Variants in PIGN observed in about 807,000 individuals in gnomAD.
PIGN encodes the protein GPI ethanolamine phosphate transferase 1.
In PIGN, 117 loss-of-function variants were observed where a neutral mutation model predicts 125.4. The observed-to-expected ratio is 0.93, with a 90% CI of 0.80 to 1.09. The LOEUF (loss-of-function observed/expected upper bound fraction) is 1.09. PIGN is among the 50% of genes least tolerant of loss of function. The probability of loss-of-function intolerance (pLI) is 0.00; values close to 1 mark genes in which losing one functional copy is unlikely to be tolerated. For synonymous variants in PIGN, 392 were observed against 377.8 expected, an observed-to-expected ratio of 1.04 and a Z score of -0.44; for missense variants, 1,075 against 1,094.9, an observed-to-expected ratio of 0.98 and a Z score of 0.26.
At chr18:62,179,580 CA>C (rs892010470) in intron 1 of PIGN, among the ~76,000 whole-genome samples, 5 of 151,968 alleles carry the variant, frequency 3.3e-5, no homozygotes, top group African/African-American at 1.2e-4. Context: ...CCCATCTCTA[CA>C]AAAAATGCAA....
At chr18:62,101,447 C>T (rs1335896749) in intron 21 of PIGN, among the ~76,000 whole-genome samples, 1 of 152,126 alleles carries the variant, frequency 6.6e-6, no homozygotes, top group Non-Finnish European at 1.5e-5. Flanking sequence ...TTCTTGGCTA[C>T]CCTAGAGAGA....
Position 62,088,849 on chromosome 18 carries a change from G to A in PIGN, c.2284-7C>T, listed in dbSNP as rs1391068540. 1 of 1,478,606 alleles carries A rather than the reference G, an allele frequency of 6.8e-7. No individual in the cohort carries two copies. Among genetic ancestry groups the A allele is most frequent in the South Asian group, 1.2e-5 (1 of 81,908 alleles). The allele number at this position is 1,478,606 out of a possible 1,614,324, so 91.6% of individuals were successfully genotyped here. A position where few individuals can be genotyped will look rare whatever the true frequency, so the allele number is the denominator to read the frequency against. On this transcript the variant is annotated splice_polypyrimidine_tract_variant and splice_region_variant and intron_variant, in intron 24 of 30. Coordinates refer to ENST00000640252, the MANE Select transcript of PIGN (RefSeq NM_176787.5). The stretch of plus-strand genomic sequence containing the variant: ...AGAACTGGATACTGGTGAGCTGTGA[G>A]ATAATAAGAAAAATATTAATGCACA...
At chr18:62,139,837 G>C (rs1028089466) in intron 12 of PIGN, among the ~76,000 whole-genome samples, 1 of 152,160 alleles carries the variant, frequency 6.6e-6, no homozygotes, top group Non-Finnish European at 1.5e-5. Context: ...TCTGCCATGG[G>C]ATCATGGCTG....
At position 62,107,015 on chromosome 18, in the gene PIGN, A is replaced by C; in HGVS notation, c.1645T>G (p.Leu549Val). ...YPLSHFVGYL[L>V]AFTLGIEVLV... ...ACTTCAATTCCCAGGGTAAAGGCTA[A>C]CAGGTACCCAACAAAATGGCTCAGA... The change falls in exon 18 of 31, where the codon TTA becomes GTA. Residue 549 changes from leucine to valine, a missense_variant. Physicochemically the swap from Leu to Val is conservative, Grantham distance 32. Coordinates refer to ENST00000640252, the MANE Select transcript of PIGN (RefSeq NM_176787.5). 1 of 1,590,126 alleles carries C rather than the reference A, an allele frequency of 6.3e-7. No individual in the cohort carries two copies. Among genetic ancestry groups the C allele is most frequent in the South Asian group, 1.2e-5 (1 of 86,676 alleles).
intron 6 of PIGN, among the ~76,000 whole-genome samples, chr18:62,155,598 A>C (rs1182895720): frequency 6.6e-6 from 1 of 152,094 alleles, no homozygotes; most frequent in Non-Finnish European, 1.5e-5. Context: ...AGAGAGATAT[A>C]TAATAAAGTA....
chr18:62,064,243 G>A (rs2032372794), intron 30 of PIGN, among the ~76,000 whole-genome samples: 1 of 152,066 alleles, frequency 6.6e-6, no homozygotes, highest in Admixed American at 6.6e-5. Flanking sequence ...TTATCATTAT[G>A]TCTTTAAACC....
chr18:62,174,137 C>G (rs11661914), intron 1 of PIGN, among the ~76,000 whole-genome samples: 2 of 151,506 alleles, frequency 1.3e-5, no homozygotes, highest in Non-Finnish European at 2.9e-5. Context: ...TCACTTGAAT[C>G]TGGGAGGCGG....
chr18:62,021,002 G>A (rs2144860689), intron 23 of PIGN, among the ~76,000 whole-genome samples: 1 of 152,042 alleles, frequency 6.6e-6, no homozygotes, highest in Non-Finnish European at 1.5e-5. Flanking sequence ...GCATATCAAG[G>A]GCTGACAGGG....
intron 1 of PIGN, among the ~76,000 whole-genome samples, chr18:62,170,218 G>T (rs1286710681): frequency 6.6e-6 from 1 of 152,128 alleles, no homozygotes; most frequent in African/African-American, 2.4e-5. Context: ...GAACCATAAT[G>T]GTTCTTAATA....
At chr18:62,127,294 T>C (rs2035569272) in intron 14 of PIGN, among the ~76,000 whole-genome samples, 1 of 152,172 alleles carries the variant, frequency 6.6e-6, no homozygotes, top group South Asian at 2.1e-4. Context: ...ACCTAGCCTA[T>C]CTTAAATGTA....
intron 23 of PIGN, among the ~76,000 whole-genome samples, chr18:62,019,588 G>T (rs970099317): frequency 1.3e-5 from 2 of 152,154 alleles, no homozygotes; most frequent in Non-Finnish European, 2.9e-5. Flanking sequence ...AGGAACTAGT[G>T]GGGAGGCAAA....
intron 23 of PIGN, among the ~76,000 whole-genome samples, chr18:62,018,863 CAT>C (rs2030016242): frequency 6.6e-6 from 1 of 152,138 alleles, no homozygotes; most frequent in Non-Finnish European, 1.5e-5. Context: ...CACGCACACA[CAT>C]ACACACACAC....
downstream of PIGN, among the ~76,000 whole-genome samples, chr18:62,038,119 CA>C (rs1410122999): frequency 6.6e-6 from 1 of 152,114 alleles, no homozygotes; most frequent in East Asian, 1.9e-4. Context: ...TAGTATTAGG[CA>C]TGAAAGCAGC....
Position 62,084,526 on chromosome 18 carries a change from C to A in PIGN, c.2502+5G>T, listed in dbSNP as rs372897702. 4 of 1,517,118 alleles carry A rather than the reference C, an allele frequency of 2.6e-6. No homozygotes were observed. The highest frequency in any genetic ancestry group is 3.6e-6 in the Non-Finnish European group (4 of 1,121,326). The allele number at this position is 1,517,118 out of a possible 1,614,324, so 94.0% of individuals were successfully genotyped here. On this transcript the variant is annotated splice_donor_5th_base_variant and intron_variant, in intron 27 of 30. Coordinates refer to ENST00000640252, the MANE Select transcript of PIGN (RefSeq NM_176787.5). ...TAAGACAAATAACAAAATAAGAAAA[C>A]TAACCTTCCACATCATCAGGGCTCC...
At chr18:62,067,631 C>T (rs904430556) in intron 30 of PIGN, among the ~76,000 whole-genome samples, 7 of 152,120 alleles carry the variant, frequency 4.6e-5, no homozygotes, top group Admixed American at 3.3e-4. Flanking sequence ...GATAGTCATC[C>T]ATGTAGTTGA....
chr18:62,041,229 C>T lies in PIGN; in HGVS notation c.*4627G>A, dbSNP rs1049261432. ...AAAACATAAGGTATGAAGGCTTAGT[C>T]TATACTCTAGCAGGGCTAGACAATG... On this transcript the variant is annotated 3_prime_UTR_variant, in exon 31 of 31. Transcript: ENST00000640252. 6.6e-6 allele frequency: 1 copy of T among 152,108 alleles called. No homozygotes were observed. Among genetic ancestry groups the T allele is most frequent in the Non-Finnish European group, 1.5e-5 (1 of 68,008 alleles). The allele number at this position is 152,108 out of a possible 1,614,324, so 9.4% of individuals were successfully genotyped here.
intron 17 of PIGN, among the ~76,000 whole-genome samples, chr18:62,108,646 AG>A (rs1374312116): frequency 2.0e-5 from 3 of 151,604 alleles, no homozygotes; most frequent in African/African-American, 7.3e-5. Context: ...GCTGGAGTGC[AG>A]TGGTGCAATC....
intron 20 of PIGN, among the ~76,000 whole-genome samples, chr18:62,104,627 A>G (rs72941809): frequency 1.3e-3 from 200 of 152,306 alleles, no homozygotes; most frequent in Non-Finnish European, 2.3e-3. Flanking sequence ...GGTCTATTGC[A>G]TATTGGTATT....
At chr18:62,055,546 G>A (rs1768489776) in intron 30 of PIGN, among the ~76,000 whole-genome samples, 1 of 152,114 alleles carries the variant, frequency 6.6e-6, no homozygotes. Context: ...AAGGATCCTT[G>A]TGCTGGTAGA....
Sources: gnomAD v4.1 joint callset for allele counts (sites outside exome capture counted in the v4.1 genomes callset) on GRCh38, gnomAD v4.1.1 for gene constraint, MANE v1.5 for transcripts, NCBI Gene and HGNC (gene_info 2026-07-23, HGNC 2026-07-21) for gene names.